The following URI1 variants were observed in gnomAD, a reference collection of about 807,000 sequenced individuals.
URI1 encodes unconventional prefoldin RPB5 interactor 1.
A neutral mutation model predicts 60.2 loss-of-function variants in URI1; 39 were observed. The observed-to-expected ratio is 0.65, with a 90% CI of 0.50 to 0.85. The LOEUF is 0.85. Among genes scored for constraint, URI1 ranks in the 40% least tolerant of loss-of-function variants. The pLI is 0.00. For synonymous variants in URI1, 251 were observed against 236.8 expected (o/e 1.06, Z -0.55); for missense variants, 691 against 665.9 (o/e 1.04, Z -0.42).
chr19:29,964,961 C>G (rs181043850), intron 1 of URI1, among the ~76,000 whole-genome samples: 3 of 151,396 alleles, frequency 2.0e-5, no homozygotes, highest in African/African-American at 7.3e-5. Context: ...GGCAAGTTTG[C>G]TACTCTAAAG....
intron 4 of URI1, chr19:30,004,590 G>A (rs2055916570): frequency 6.6e-6 from 1 of 151,888 alleles, no homozygotes; most frequent in Admixed American, 6.6e-5. Context: ...CTTTATCAGC[G>A]CTTGGCCATA....
intron 10 of URI1, among the ~76,000 whole-genome samples, chr19:30,013,515 A>G (rs2056048744): frequency 6.6e-6 from 1 of 152,192 alleles, no homozygotes; most frequent in African/African-American, 2.4e-5. Context: ...GGATGTTATC[A>G]GGTAATTGCT....
chr19:29,926,148 T>C (rs2054863730), intron 1 of URI1, among the ~76,000 whole-genome samples: 1 of 152,008 alleles, frequency 6.6e-6, no homozygotes, highest in Admixed American at 6.6e-5. Flanking sequence ...GTGGTGTTGG[T>C]TACATGAATA....
At chr19:29,963,524 A>G (rs998029408) in intron 1 of URI1, among the ~76,000 whole-genome samples, 8 of 152,192 alleles carry the variant, frequency 5.3e-5, no homozygotes, top group Non-Finnish European at 1.2e-4. Context: ...CCTTGAACAT[A>G]TTAATCATTA....
At chr19:29,935,587 G>A (rs1023813350) in intron 1 of URI1, among the ~76,000 whole-genome samples, 2 of 151,864 alleles carry the variant, frequency 1.3e-5, no homozygotes, top group Non-Finnish European at 1.5e-5. Context: ...AGCTCTTGTA[G>A]AGCAGGGCTA....
chr19:29,954,792 A>G (rs1032952920), intron 1 of URI1, among the ~76,000 whole-genome samples: 3 of 152,106 alleles, frequency 2.0e-5, no homozygotes, highest in African/African-American at 7.2e-5. Flanking sequence ...TGCTAGGATT[A>G]CAGGTGTGAA....
chr19:29,954,670 A>T (rs957230747), intron 1 of URI1, among the ~76,000 whole-genome samples: 7 of 151,908 alleles, frequency 4.6e-5, no homozygotes, highest in African/African-American at 1.7e-4. Context: ...GCCCACCACC[A>T]TGCCCGGCTA....
Position 29,993,957 on chromosome 19 carries a change from A to G in URI1, c.367+7540A>G, listed in dbSNP as rs551937031. Among the ~76,000 whole-genome samples, 88 of 151,930 alleles carry G rather than the reference A, an allele frequency of 5.8e-4. 1 individual carries two copies. The highest frequency in any genetic ancestry group is 2.1e-3 in the African/African-American group (86 of 41,402). ...CTTATTCTTTTCATGGCTATATAGT[A>G]TTATATTGTACTCTATTTAGCCAGT... On this transcript the variant is annotated intron_variant, in intron 4 of 10. Transcript: ENST00000392271.
chr19:29,979,975 A>G (rs2055572740), intron 2 of URI1, among the ~76,000 whole-genome samples: 1 of 152,196 alleles, frequency 6.6e-6, no homozygotes, highest in South Asian at 2.1e-4. Context: ...CATAAAGCAT[A>G]ACAGTATAGA....
intron 1 of URI1, among the ~76,000 whole-genome samples, chr19:29,944,185 A>ATATATATATATATG (rs1555736104): frequency 1.6e-4 from 16 of 100,716 alleles, no homozygotes; most frequent in Non-Finnish European, 2.8e-4. Flanking sequence ...ATATATATAT[A>ATATATATATATATG]TATATATAAA....
At chr19:29,956,938 G>A (rs1198383896) in intron 1 of URI1, 2 of 1,030,082 alleles carry the variant, frequency 1.9e-6, no homozygotes, top group Non-Finnish European at 3.0e-6. Flanking sequence ...TCAGAGTAAC[G>A]TTGACATTTT....
intron 2 of URI1, among the ~76,000 whole-genome samples, chr19:29,974,746 C>G (rs2055500271): frequency 6.6e-6 from 1 of 152,176 alleles, no homozygotes; most frequent in African/African-American, 2.4e-5. Context: ...CCCTTTCTCA[C>G]CGCTCTTGTA....
intron 1 of URI1, among the ~76,000 whole-genome samples, chr19:29,951,158 C>G (rs952940902): frequency 3.9e-5 from 6 of 152,142 alleles, no homozygotes; most frequent in Non-Finnish European, 8.8e-5. Context: ...TGCATCACAT[C>G]AGGAGACACA....
chr19:29,972,622 G>T (rs2055473584), intron 2 of URI1, among the ~76,000 whole-genome samples: 2 of 152,026 alleles, frequency 1.3e-5, no homozygotes, highest in Admixed American at 6.6e-5. Flanking sequence ...AAGGATAAGG[G>T]CACGTTTTCA....
intron 4 of URI1, chr19:30,004,337 C>G (rs555612218): frequency 1.3e-5 from 2 of 152,104 alleles, no homozygotes; most frequent in Admixed American, 6.6e-5. Flanking sequence ...GTGCCACTCT[C>G]GAGAAGCCCT....
chr19:29,992,121 G>A (rs931329427), intron 4 of URI1, among the ~76,000 whole-genome samples: 1 of 152,158 alleles, frequency 6.6e-6, no homozygotes, highest in South Asian at 2.1e-4. Context: ...CCAGGCTGGA[G>A]TGCAGTGGCC....
upstream of URI1, chr19:29,942,163 G>T: frequency 1.0e-6 from 1 of 966,394 alleles, no homozygotes; most frequent in Non-Finnish European, 1.2e-6. Flanking sequence ...TCCCCTGGGG[G>T]CGGGGCCTGC....
At chr19:29,942,720 TG>T in intron 1 of URI1, 56 bp downstream of exon 1, 8 of 1,325,370 alleles carry the variant, frequency 6.0e-6, no homozygotes, top group Non-Finnish European at 7.7e-6. Flanking sequence ...CCCCTGCCTG[TG>T]CTCTGGGCCG....
At chr19:29,942,094 C>G (rs566170677), upstream of URI1, 3 of 428,412 alleles carry the variant, frequency 7.0e-6, no homozygotes, top group Non-Finnish European at 9.3e-6. Context: ...CAGAGGGATA[C>G]AAACGCAGCC....
Sources: allele counts gnomAD v4.1 joint callset (sites outside exome capture counted in the v4.1 genomes callset), GRCh38; gene constraint gnomAD v4.1.1; transcripts MANE v1.5; gene names NCBI Gene and HGNC (gene_info 2026-07-23, HGNC 2026-07-21).